The following HS3ST4 variants were observed in gnomAD, a reference collection of about 807,000 sequenced individuals.
HS3ST4 encodes the protein heparan sulfate glucosamine 3-O-sulfotransferase 4.
Under a neutral mutation model 29.2 loss-of-function variants are expected in HS3ST4, and 17 were observed. The observed-to-expected ratio is 0.58, with a 90% CI of 0.40 to 0.87. The LOEUF (loss-of-function observed/expected upper bound fraction) is 0.87. Among genes scored for constraint, HS3ST4 ranks in the 40% least tolerant of loss-of-function variants. HS3ST4 has a pLI of 0.00. For synonymous variants in HS3ST4, 314 were observed against 285.7 expected (o/e 1.10, Z -1.00); for missense variants, 627 against 634.5 (o/e 0.99, Z 0.13).
intron 1 of HS3ST4, among the ~76,000 whole-genome samples, chr16:25,892,544 A>G (rs116759337): frequency 0.036 from 5,499 of 152,270 alleles, 133 homozygotes; most frequent in African/African-American, 0.057. Flanking sequence ...TTGAAACGGA[A>G]GAGAGAGCTC....
chr16:25,953,486 A>C (rs755291973), intron 1 of HS3ST4, among the ~76,000 whole-genome samples: 1 of 152,176 alleles, frequency 6.6e-6, no homozygotes, highest in Non-Finnish European at 1.5e-5. Flanking sequence ...AGGCCATGTA[A>C]GTTCTGCCCA....
At chr16:26,108,152 T>C (rs987753665) in intron 1 of HS3ST4, among the ~76,000 whole-genome samples, 1 of 152,160 alleles carries the variant, frequency 6.6e-6, no homozygotes, top group Non-Finnish European at 1.5e-5. Context: ...CTGACTGGGG[T>C]AATATGGTAT....
intron 1 of HS3ST4, among the ~76,000 whole-genome samples, chr16:25,964,671 C>G (rs1257557028): frequency 1.3e-5 from 2 of 152,204 alleles, no homozygotes; most frequent in African/African-American, 4.8e-5. Context: ...CCTGTGAATC[C>G]TGCCGCTCAG....
intron 1 of HS3ST4, among the ~76,000 whole-genome samples, chr16:26,083,515 A>T (rs7188538): frequency 0.49 from 73,806 of 152,068 alleles, 18,124 homozygotes; most frequent in Middle Eastern, 0.56. Context: ...TGGTATATAT[A>T]TTAGATTTTG....
At chr16:25,821,662 C>G (rs971270078) in intron 1 of HS3ST4, among the ~76,000 whole-genome samples, 5 of 152,078 alleles carry the variant, frequency 3.3e-5, no homozygotes, top group African/African-American at 1.2e-4. Context: ...CACGGTGGCT[C>G]ACACCTGTAA....
chr16:26,115,824 A>G (rs1232581377), intron 1 of HS3ST4, among the ~76,000 whole-genome samples: 1 of 152,140 alleles, frequency 6.6e-6, no homozygotes, highest in Non-Finnish European at 1.5e-5. Context: ...GCTTCCTGTG[A>G]TCTTTCAGCC....
chr16:26,037,519 T>A (rs1445428402), intron 1 of HS3ST4, among the ~76,000 whole-genome samples: 3 of 152,176 alleles, frequency 2.0e-5, no homozygotes, highest in Admixed American at 2.0e-4. Flanking sequence ...GACAGAGGGT[T>A]GGGATTTAAG....
intron 1 of HS3ST4, among the ~76,000 whole-genome samples, chr16:26,019,632 G>A (rs990124264): frequency 1.3e-5 from 2 of 152,126 alleles, no homozygotes; most frequent in African/African-American, 4.8e-5. Flanking sequence ...GGTCCGTCTG[G>A]CTCCTGGGAT....
At chr16:25,698,422 C>A (rs1285517097) in intron 1 of HS3ST4, among the ~76,000 whole-genome samples, 5 of 152,122 alleles carry the variant, frequency 3.3e-5, no homozygotes, top group African/African-American at 1.2e-4. Context: ...TTTCTTGATT[C>A]TAAAAGCACT....
At chr16:25,983,902 GTT>G (rs1010645022) in intron 1 of HS3ST4, among the ~76,000 whole-genome samples, 55 of 2,054 alleles carry the variant, frequency 0.027, no homozygotes, top group East Asian at 0.1. Flanking sequence ...TTGTGTCTGT[GTT>G]TGTGTGTGTG....
chr16:26,133,512 C>T (rs1471098127), intron 1 of HS3ST4, among the ~76,000 whole-genome samples: 1 of 152,174 alleles, frequency 6.6e-6, no homozygotes, highest in Non-Finnish European at 1.5e-5. Flanking sequence ...GAGAATATGT[C>T]ACTCCAAGAT....
chr16:26,117,883 G>A (rs114534472), intron 1 of HS3ST4, among the ~76,000 whole-genome samples: 1,874 of 152,344 alleles, frequency 0.012, 37 homozygotes, highest in African/African-American at 0.042. Context: ...GGCAACATCT[G>A]CCATTATGGT....
intron 1 of HS3ST4, among the ~76,000 whole-genome samples, chr16:25,787,752 G>A (rs1567239795): frequency 6.6e-6 from 1 of 152,198 alleles, no homozygotes; most frequent in Non-Finnish European, 1.5e-5. Flanking sequence ...GTGACAATTT[G>A]AAGGAAATAG....
At chr16:26,099,410 C>G (rs956842240) in intron 1 of HS3ST4, among the ~76,000 whole-genome samples, 1 of 152,168 alleles carries the variant, frequency 6.6e-6, no homozygotes, top group African/African-American at 2.4e-5. Flanking sequence ...CATGCCTCCA[C>G]CTCAAAAAGT....
At chr16:25,844,460 G>A (rs1029033012) in intron 1 of HS3ST4, among the ~76,000 whole-genome samples, 4 of 152,108 alleles carry the variant, frequency 2.6e-5, no homozygotes, top group African/African-American at 7.2e-5. Flanking sequence ...ATTTCTGCTA[G>A]TGGTTATTCA....
At chr16:25,804,987 C>A (rs1966976172) in intron 1 of HS3ST4, among the ~76,000 whole-genome samples, 1 of 151,892 alleles carries the variant, frequency 6.6e-6, no homozygotes, top group Non-Finnish European at 1.5e-5. Flanking sequence ...TCAAGGGTAC[C>A]CCAACCTCAG....
intron 1 of HS3ST4, among the ~76,000 whole-genome samples, chr16:26,034,675 G>T (rs962835882): frequency 2.0e-5 from 3 of 150,432 alleles, no homozygotes; most frequent in Non-Finnish European, 4.4e-5. Flanking sequence ...GGGCGGGGGG[G>T]GGTCTCACCA....
intron 1 of HS3ST4, among the ~76,000 whole-genome samples, chr16:26,015,455 G>A (rs1334229059): frequency 6.6e-6 from 1 of 152,144 alleles, no homozygotes; most frequent in Non-Finnish European, 1.5e-5. Flanking sequence ...GCCAATCCAG[G>A]AAGCTCACCC....
At chr16:25,799,021 A>G (rs894619509) in intron 1 of HS3ST4, among the ~76,000 whole-genome samples, 2 of 152,240 alleles carry the variant, frequency 1.3e-5, no homozygotes, top group Non-Finnish European at 2.9e-5. Flanking sequence ...TCTTGTTGGT[A>G]TATAAGCAGC....
Sources: gnomAD v4.1 joint callset for allele counts (sites outside exome capture counted in the v4.1 genomes callset) on GRCh38, gnomAD v4.1.1 for gene constraint, MANE v1.5 for transcripts, NCBI Gene and HGNC (gene_info 2026-07-23, HGNC 2026-07-21) for gene names.